Variants in TRANK1 observed in about 807,000 individuals in gnomAD.
TRANK1 encodes the protein tetratricopeptide repeat and ankyrin repeat containing 1.
In TRANK1, 198 loss-of-function variants were observed where a neutral mutation model predicts 266.0. The ratio of observed to expected loss-of-function variants is 0.74; its 90% CI spans 0.66 to 0.84. The LOEUF (loss-of-function observed/expected upper bound fraction) is 0.84. Among genes scored for constraint, TRANK1 ranks in the 40% least tolerant of loss-of-function variants. The pLI, the probability that TRANK1 is intolerant of heterozygous loss-of-function variation, is 0.00. For missense variants in TRANK1, 3,326 were observed against 3,634.6 expected, an observed-to-expected ratio of 0.92 and a Z score of 2.18; for synonymous variants, 1,396 against 1,384.1, an observed-to-expected ratio of 1.01 and a Z score of -0.19.
In TRANK1 at chr3:36,856,689, A is replaced by G; in HGVS notation, c.3033T>C (p.Pro1011=). The change falls in exon 13 of 24, where the codon CCT becomes CCC. Residue 1011 remains proline (P), a synonymous_variant. Transcript: ENST00000645898. ...CTGCACTGGCTGGGGGAAAGTACTC[A>G]GGATTGACATGCTCCCTGCCCTTCT... ...EAEKGREHVN[P]EYFPPASAVE... 1 of 1,614,082 alleles carries G rather than the reference A, an allele frequency of 6.2e-7. No homozygotes were observed. The highest frequency in any genetic ancestry group is 1.1e-5 in the South Asian group (1 of 91,090).
chr3:36,831,467 G>C lies in TRANK1; in HGVS notation c.8116C>G (p.Leu2706Val). 48 of 1,613,222 alleles carry C rather than the reference G, an allele frequency of 3.0e-5. No homozygotes were observed. The highest frequency in any genetic ancestry group is 4.0e-5 in the Non-Finnish European group (47 of 1,179,618). Residue 2706 changes from leucine (L) to valine (V), a missense_variant, in exon 22 of 24, where the codon CTG (leucine) becomes GTG (valine). Physicochemically the swap from Leu to Val is conservative, Grantham distance 32. Coordinates refer to ENST00000645898, the MANE Select transcript of TRANK1 (RefSeq NM_001329998.2). This position sits in a 1 kb window ranked among gnomAD's most constrained non-coding sequence, Gnocchi z 5.0. ...TGCTTTTGGGAAAGAATGGTGGCCA[G>C]GACGTGGTCTCGGTCTTCTAATGCC... ...ELALEDRDHV[L>V]ATILSQKQRK... is the part of the protein sequence containing the mutation.
chr3:36,852,037 G>A, intron 14 of TRANK1, 109 bp downstream of exon 14: 1 of 1,372,298 alleles, frequency 7.3e-7, no homozygotes, highest in Non-Finnish European at 9.7e-7. Flanking sequence ...CACCCACTGT[G>A]GGACAGGGAC....
rs1194472822 is a variant in TRANK1, at chr3:36,847,138, T to C, written c.5034+62A>G. On this transcript the variant is annotated intron_variant, in intron 16 of 23. Coordinates refer to ENST00000645898, the MANE Select transcript of TRANK1 (RefSeq NM_001329998.2). ...GCTCCATTTTTCCTCTCATCTTCTCTTCCAAGCCTTTTTCACTACTTCCAT... is the reference window on the plus strand; with the variant it reads ...GCTCCATTTTTCCTCTCATCTTCTCCTCCAAGCCTTTTTCACTACTTCCAT... The C allele has an allele frequency of 3.2e-6, 5 of 1,540,738 alleles. No homozygotes were observed. The East Asian group carries it at 1.2e-4, about 35-fold the overall frequency.
chr3:36,895,572 T>C, intron 5 of TRANK1, 68 bp downstream of exon 5: 1 of 959,722 alleles, frequency 1.0e-6, no homozygotes, highest in Non-Finnish European at 1.5e-6. Context: ...AATCCCTCAA[T>C]GCCAATGGAA....
chr3:36,840,053 CA>C (rs1302026208), intron 18 of TRANK1, among the ~76,000 whole-genome samples: 1 of 152,068 alleles, frequency 6.6e-6, no homozygotes, highest in Non-Finnish European at 1.5e-5. Context: ...TTCAAATATT[CA>C]AAAGGTATTT....
chr3:36,900,034 A>AT (rs1231067824), intron 3 of TRANK1, among the ~76,000 whole-genome samples: 1 of 152,196 alleles, frequency 6.6e-6, no homozygotes, highest in East Asian at 1.9e-4. Flanking sequence ...TAATTTTTCC[A>AT]TTTTTTGTAG....
intron 1 of TRANK1, among the ~76,000 whole-genome samples, chr3:36,942,616 G>C (rs915378735): frequency 1.3e-4 from 19 of 151,544 alleles, no homozygotes; most frequent in African/African-American, 4.1e-4. Flanking sequence ...AAAGTAACCA[G>C]AAGCATCTGC....
intron 13 of TRANK1, among the ~76,000 whole-genome samples, chr3:36,852,757 G>A (rs552628978): frequency 1.6e-4 from 22 of 137,046 alleles, no homozygotes; most frequent in Non-Finnish European, 6.1e-5. Flanking sequence ...GGGTGACAGA[G>A]CGAGACTCCA....
chr3:36,913,967 A>G (rs1171185211), intron 1 of TRANK1, among the ~76,000 whole-genome samples: 4 of 152,018 alleles, frequency 2.6e-5, no homozygotes, highest in Non-Finnish European at 4.4e-5. Context: ...ACCCAACTAC[A>G]TGCACACCAA....
intron 9 of TRANK1, among the ~76,000 whole-genome samples, chr3:36,869,120 C>T (rs1003144114): frequency 6.6e-6 from 1 of 152,232 alleles, no homozygotes; most frequent in Admixed American, 6.5e-5. Flanking sequence ...AAGCCTTGCT[C>T]CTCAAAGTGG....
In TRANK1 at chr3:36,833,859, A is replaced by G; in HGVS notation, c.5724T>C (p.Ser1908=). 6.2e-7 allele frequency: 1 copy of G among 1,613,996 alleles called. No homozygotes were observed. Among genetic ancestry groups the G allele is most frequent in the Non-Finnish European group, 8.5e-7 (1 of 1,179,898 alleles). ...TTGCTGCAGCTTCCAAGTAAAACTG[A>G]CTGGCAGAATAGGAGAGCTTGGAAA... The part of the protein sequence containing the change: ...LPISKLSYSA[S]QFYLEAAAKY... The change falls in exon 22 of 24, where the codon AGT becomes AGC. Residue 1908 remains serine (S), a synonymous_variant. Coordinates refer to ENST00000645898, the MANE Select transcript of TRANK1 (RefSeq NM_001329998.2).
At chr3:36,909,060 A>G (rs2080015143) in intron 1 of TRANK1, among the ~76,000 whole-genome samples, 1 of 152,226 alleles carries the variant, frequency 6.6e-6, no homozygotes, top group Non-Finnish European at 1.5e-5. Flanking sequence ...GCTAGGACAC[A>G]GAGACACAAC....
intron 8 of TRANK1, chr3:36,880,250 CT>C: frequency 3.3e-6 from 1 of 300,264 alleles, no homozygotes. Flanking sequence ...TTTAAGGACC[CT>C]TCACACTTGT....
At position 36,861,036 on chromosome 3, in the gene TRANK1, T is replaced by G; in HGVS notation, c.1365A>C (p.Glu455Asp). The G allele has an allele frequency of 6.5e-7, 1 of 1,537,848 alleles. No homozygotes were observed. The highest frequency in any genetic ancestry group is 8.7e-7 in the Non-Finnish European group (1 of 1,147,034). ...TGATGAGGCAATCCCCAAGCGGTGG[T>G]TCTCCACTTACTTTGCGGGTCAGCA... Reference protein sequence around the residue: ...LLLLTRKVSGEPPLGDCLIKD... With the variant: ...LLLLTRKVSGDPPLGDCLIKD... The change falls in exon 11 of 24, where the codon GAA becomes GAC. Residue 455 changes from glutamate to aspartate, a missense_variant. By Grantham distance (45) the Glu-to-Asp change is conservative. Transcript: ENST00000645898.
Position 36,856,885 on chromosome 3 carries a change from A to C in TRANK1, c.2837T>G (p.Leu946Ter). ...TEIIRIWDIV[L>*]DHCKLADSIK... ...GGAATCAGCCAGTTTGCAGTGATCT[A>C]AGACGATGTCCCAAATCCGGATGAT... The change falls in exon 13 of 24, where the codon TTA becomes TGA. Residue 946 changes from leucine to a stop codon, truncating the protein, a stop_gained. Coordinates refer to ENST00000645898, the MANE Select transcript of TRANK1 (RefSeq NM_001329998.2). LOFTEE classifies it high-confidence loss of function. The C allele has an allele frequency of 2.5e-6, 4 of 1,614,036 alleles. No homozygotes were observed. The highest frequency in any genetic ancestry group is 3.4e-6 in the Non-Finnish European group (4 of 1,179,892).
intron 23 of TRANK1, 131 bp from the exon 24 acceptor site, chr3:36,828,506 A>AT (rs1234490960): frequency 1.5e-5 from 10 of 663,192 alleles, no homozygotes; most frequent in East Asian, 2.8e-5. Context: ...CAGAATGGTG[A>AT]TTTTTTTTCC....
At chr3:36,894,322 C>T (rs2079756538) in intron 5 of TRANK1, among the ~76,000 whole-genome samples, 1 of 152,218 alleles carries the variant, frequency 6.6e-6, no homozygotes, top group African/African-American at 2.4e-5. Context: ...TATCTTCCTG[C>T]TAATGAGGCC....
intron 1 of TRANK1, among the ~76,000 whole-genome samples, chr3:36,926,895 A>T (rs1018707156): frequency 2.0e-5 from 3 of 152,206 alleles, no homozygotes; most frequent in Non-Finnish European, 4.4e-5. Context: ...TTAATATTTA[A>T]AAACCTTATT....
At position 36,857,701 on chromosome 3, in the gene TRANK1, C is replaced by T; in HGVS notation, c.2021G>A (p.Gly674Asp). Residue 674 changes from glycine to aspartate, a missense_variant, in exon 13 of 24, where the codon GGT becomes GAT. Transcript: ENST00000645898. The surrounding 1 kb of genome is among the most constrained non-coding windows in gnomAD (Gnocchi z 4.3). The stretch of plus-strand genomic sequence containing the variant: ...CTGGGACTTGAGCTGAGATGTGTGA[C>T]CAGGGGCAGTGGACTTTGAGAGCTT... ...LGKLSKSTAPGHTSQLKSQGS... is the reference protein window; with the variant it reads ...LGKLSKSTAPDHTSQLKSQGS... 1 of 1,614,008 alleles carries T rather than the reference C, an allele frequency of 6.2e-7. No individual in the cohort carries two copies. The highest frequency in any genetic ancestry group is 8.5e-7 in the Non-Finnish European group (1 of 1,179,892).
Sources: allele counts gnomAD v4.1 joint callset (sites outside exome capture counted in the v4.1 genomes callset), GRCh38; gene constraint gnomAD v4.1.1; non-coding constraint Gnocchi (gnomAD v3.1); transcripts MANE v1.5; gene names NCBI Gene and HGNC (gene_info 2026-07-23, HGNC 2026-07-21).